FBXO22: variants seen among roughly 807,000 people sequenced by gnomAD.
FBXO22 encodes F-box only protein 22.
FBXO22 carries 13 observed loss-of-function variants against 37.2 expected under a neutral mutation model. The ratio of observed to expected loss-of-function variants is 0.35; its 90% CI spans 0.23 to 0.56. The LOEUF is 0.56. Among genes scored for constraint, FBXO22 ranks in the 20% least tolerant of loss-of-function variants. FBXO22 has a pLI of 0.87. For synonymous variants in FBXO22, 189 were observed against 189.1 expected, an observed-to-expected ratio of 1.00 and a Z score of 0.00; for missense variants, 446 against 509.9, an observed-to-expected ratio of 0.87 and a Z score of 1.21.
chr15:75,917,230 T>C lies in FBXO22; in HGVS notation c.464T>C (p.Val155Ala), dbSNP rs376548905. 1 of 1,605,632 alleles carries C rather than the reference T, an allele frequency of 6.2e-7. No individual in the cohort carries two copies. The highest frequency in any genetic ancestry group is 1.7e-5 in the Admixed American group (1 of 57,212). Residue 155 changes from valine (V) to alanine (A), a missense_variant and splice_region_variant, in exon 5 of 7, where the codon GTG becomes GCG. Val to Ala is a moderately conservative substitution (Grantham distance 64, BLOSUM62 0). Coordinates refer to ENST00000308275, the MANE Select transcript of FBXO22 (RefSeq NM_147188.3). ...VLGIVTPGIV[V>A]TPMGSGSNRP... ...TGAAACTGTTTAACTTTTTCTCTAGTGACTCCAATGGGATCAGGTAGCAAT... is the reference window on the plus strand; with the variant it reads ...TGAAACTGTTTAACTTTTTCTCTAGCGACTCCAATGGGATCAGGTAGCAAT...
intron 4 of FBXO22, among the ~76,000 whole-genome samples, chr15:75,916,948 A>G (rs938937865): frequency 6.6e-6 from 1 of 152,206 alleles, no homozygotes; most frequent in Non-Finnish European, 1.5e-5. Flanking sequence ...TGAAAGAATA[A>G]TAGAACAGCA....
Position 75,917,244 on chromosome 15 carries a change from T to C in FBXO22, c.478T>C (p.Ser160Pro). Residue 160 changes from serine to proline, a missense_variant, in exon 5 of 7, where the codon TCA becomes CCA. By Grantham distance (74) the Ser-to-Pro change is moderately conservative. Coordinates refer to ENST00000308275, the MANE Select transcript of FBXO22 (RefSeq NM_147188.3). ...TPGIVVTPMG[S>P]GSNRPQEIEI... is the part of the protein sequence containing the mutation. ...TTTTTCTCTAGTGACTCCAATGGGA[T>C]CAGGTAGCAATCGACCTCAGGAAAT... 1 of 1,611,702 alleles carries C rather than the reference T, an allele frequency of 6.2e-7. No individual in the cohort carries two copies. Among genetic ancestry groups the C allele is most frequent in the Non-Finnish European group, 8.5e-7 (1 of 1,179,272 alleles).
chr15:75,929,488 G>C (rs2029928193), intron 5 of FBXO22, among the ~76,000 whole-genome samples: 1 of 151,082 alleles, frequency 6.6e-6, no homozygotes, highest in Admixed American at 6.6e-5. Flanking sequence ...TCTCACTGCT[G>C]CTAGCACAGC....
chr15:75,926,779 G>A (rs1019613595), intron 5 of FBXO22, among the ~76,000 whole-genome samples: 2 of 151,932 alleles, frequency 1.3e-5, no homozygotes, highest in African/African-American at 4.8e-5. Context: ...ATTCCTGTGA[G>A]ACTTTAGTTA....
At chr15:75,904,371 CG>C in intron 1 of FBXO22, 119 bp from the exon 2 acceptor site, 2 of 1,463,258 alleles carry the variant, frequency 1.4e-6, no homozygotes, top group Non-Finnish European at 1.9e-6. Context: ...CTACCTACCC[CG>C]GGGACTTTGG....
intron 5 of FBXO22, among the ~76,000 whole-genome samples, chr15:75,928,229 C>T (rs2029881242): frequency 6.6e-6 from 1 of 152,024 alleles, no homozygotes; most frequent in African/African-American, 2.4e-5. Context: ...TACCATTTGA[C>T]CCAGCAGTCC....
At chr15:75,916,055 CAAAAAAAAAA>C (rs10591372) in intron 4 of FBXO22, among the ~76,000 whole-genome samples, 5 of 61,032 alleles carry the variant, frequency 8.2e-5, no homozygotes, top group South Asian at 1.4e-3. Context: ...ACTCTGTCTC[CAAAAAAAAAA>C]AAAAAAAAAA....
chr15:75,930,524 A>C, intron 6 of FBXO22: 1 of 987,640 alleles, frequency 1.0e-6, no homozygotes, highest in Non-Finnish European at 1.2e-6. Context: ...TTTCCACAGA[A>C]TGTCTTGCAA....
chr15:75,936,293 G>A lies in FBXO22; in HGVS notation c.*3191G>A, dbSNP rs1362412022. 1 of 152,160 alleles carries A rather than the reference G, an allele frequency of 6.6e-6. No homozygotes were observed. Among genetic ancestry groups the A allele is most frequent in the African/African-American group, 2.4e-5 (1 of 41,430 alleles). The allele number at this position is 152,160 out of a possible 1,614,324, so 9.4% of individuals were successfully genotyped here. On this transcript the variant is annotated 3_prime_UTR_variant, in exon 7 of 7. Transcript: ENST00000308275. ...TTTCATTTGTAGAAACTGGGTATGA[G>A]TTGGCTTAATGAAAATCCTAAAATA...
In FBXO22 at chr15:75,941,471, T is replaced by C. The variant is rs2030948844; in HGVS notation, c.*8369T>C. Reference sequence around the variant, plus strand: ...GCGGAGGCTTGAGGGTATATTTGTATACCAGTGTTCACTGCAGCATTATTC... The same window carrying C: ...GCGGAGGCTTGAGGGTATATTTGTACACCAGTGTTCACTGCAGCATTATTC... On this transcript the variant is annotated 3_prime_UTR_variant, in exon 7 of 7. Coordinates refer to ENST00000308275, the MANE Select transcript of FBXO22 (RefSeq NM_147188.3). 6.6e-6 allele frequency: 1 copy of C among 152,162 alleles called. No homozygotes were observed. 9.4% of individuals were successfully genotyped at this position (152,162 alleles called of 1,614,324 possible). A position where few individuals can be genotyped will look rare whatever the true frequency, so the allele number is the denominator to read the frequency against.
At chr15:75,917,434 G>T in intron 5 of FBXO22, 40 bp downstream of exon 5, 2 of 1,438,216 alleles carry the variant, frequency 1.4e-6, no homozygotes, top group South Asian at 2.6e-5. Flanking sequence ...TCATTTTATT[G>T]ATTAATTTTG....
Position 75,933,748 on chromosome 15 carries a change from A to T in FBXO22, c.*646A>T, listed in dbSNP as rs1242019116. On this transcript the variant is annotated 3_prime_UTR_variant, in exon 7 of 7. Transcript: ENST00000308275. Reference sequence around the variant, plus strand: ...ATATTTTTTTTTCACCTAGGTCTAAATAGCTAACTAACTGGTAGACCAGAG... The same window carrying T: ...ATATTTTTTTTTCACCTAGGTCTAATTAGCTAACTAACTGGTAGACCAGAG... The T allele has an allele frequency of 6.3e-6, 2 of 318,856 alleles. No individual in the cohort carries two copies. Among genetic ancestry groups the T allele is most frequent in the Non-Finnish European group, 1.2e-5 (2 of 165,386 alleles). The allele number at this position is 318,856 out of a possible 1,614,324, so 19.8% of individuals were successfully genotyped here. A position where few individuals can be genotyped will look rare whatever the true frequency, so the allele number is the denominator to read the frequency against.
chr15:75,918,333 A>C (rs548978499), intron 5 of FBXO22, among the ~76,000 whole-genome samples: 81 of 152,204 alleles, frequency 5.3e-4, no homozygotes, highest in East Asian at 2.7e-3. Context: ...AAAAAAAAAA[A>C]AACTTGCAAG....
chr15:75,915,488 T>C (rs963941805), intron 4 of FBXO22, among the ~76,000 whole-genome samples: 1 of 152,072 alleles, frequency 6.6e-6, no homozygotes, highest in African/African-American at 2.4e-5. Flanking sequence ...CTTTTTGGCC[T>C]GGCGTGGTGG....
At chr15:75,916,319 A>G (rs1399357336) in intron 4 of FBXO22, among the ~76,000 whole-genome samples, 2 of 152,162 alleles carry the variant, frequency 1.3e-5, no homozygotes, top group East Asian at 1.9e-4. Flanking sequence ...GACTTAAACA[A>G]CGGAAGCTTA....
At position 75,941,125 on chromosome 15, in the gene FBXO22, G is replaced by T. The variant is rs927796333; in HGVS notation, c.*8023G>T. 1.3e-5 allele frequency: 2 copies of T among 152,074 alleles called. No homozygotes were observed. Among genetic ancestry groups the T allele is most frequent in the Admixed American group, 6.5e-5 (1 of 15,278 alleles). 9.4% of individuals were successfully genotyped at this position (152,074 alleles called of 1,614,324 possible). The stretch of plus-strand genomic sequence containing the variant: ...AAACCTGATTTAAAAAATGGCAAAG[G>T]ATTTGGATAGATCTCCAGAGAGGAC... On this transcript the variant is annotated 3_prime_UTR_variant, in exon 7 of 7. Coordinates refer to ENST00000308275, the MANE Select transcript of FBXO22 (RefSeq NM_147188.3).
In FBXO22 at chr15:75,938,965, A is replaced by G. The variant is rs919972655; in HGVS notation, c.*5863A>G. The stretch of plus-strand genomic sequence containing the variant: ...TATAGGATGCAGTGAAAGCACTGCT[A>G]AAAGGGAAATTTGTAGACATAAATG... On this transcript the variant is annotated 3_prime_UTR_variant, in exon 7 of 7. Coordinates refer to ENST00000308275, the MANE Select transcript of FBXO22 (RefSeq NM_147188.3). The G allele has an allele frequency of 1.3e-5, 2 of 152,164 alleles. No individual in the cohort carries two copies. The highest frequency in any genetic ancestry group is 1.3e-4 in the Admixed American group (2 of 15,276). 9.4% of individuals were successfully genotyped at this position (152,164 alleles called of 1,614,324 possible).
At chr15:75,931,989 G>A (rs1001072103) in intron 6 of FBXO22, among the ~76,000 whole-genome samples, 7 of 152,200 alleles carry the variant, frequency 4.6e-5, no homozygotes, top group African/African-American at 1.7e-4. Context: ...TGAGGCAGGA[G>A]GATTGCTTGA....
At chr15:75,919,155 A>T (rs1900261277) in intron 5 of FBXO22, among the ~76,000 whole-genome samples, 1 of 151,934 alleles carries the variant, frequency 6.6e-6, no homozygotes. Context: ...TCTTTTTATT[A>T]GAGATAGGGT....
Sources: gnomAD v4.1 joint callset for allele counts (sites outside exome capture counted in the v4.1 genomes callset) on GRCh38, gnomAD v4.1.1 for gene constraint, MANE v1.5 for transcripts, NCBI Gene and HGNC (gene_info 2026-07-23, HGNC 2026-07-21) for gene names.